PUDP: variants seen among roughly 807,000 people sequenced by gnomAD.
PUDP encodes the protein pseudouridine 5'-phosphatase, also known as pseudouridine-5'-phosphatase.
In PUDP, 8 loss-of-function variants were observed where a neutral mutation model predicts 9.4. The observed-to-expected ratio is 0.85, with a 90% CI of 0.50 to 1.53. The LOEUF (loss-of-function observed/expected upper bound fraction) is 1.53. Ranked by LOEUF, PUDP falls within the 40% of genes most tolerant of loss-of-function variation. The pLI is 0.00. For synonymous variants in PUDP, 99 were observed against 80.7 expected, an observed-to-expected ratio of 1.23 and a Z score of -1.22; for missense variants, 188 against 189.7, an observed-to-expected ratio of 0.99 and a Z score of 0.05.
intron 1 of PUDP, among the ~76,000 whole-genome samples, chrX:7,128,568 C>A (rs749859455): frequency 3.6e-5 from 4 of 111,215 alleles, no homozygotes; most frequent in Admixed American, 9.6e-5. Flanking sequence ...CCCAATGGCA[C>A]GGGCGGCAGT....
intron 3 of PUDP, among the ~76,000 whole-genome samples, chrX:6,752,296 G>C (rs960702215): frequency 9.0e-6 from 1 of 111,293 alleles, no homozygotes; most frequent in Non-Finnish European, 1.9e-5. Flanking sequence ...CACCCCCAAA[G>C]GTTCTGAGTT....
chrX:6,812,644 G>T (rs1926162935), intron 3 of PUDP, among the ~76,000 whole-genome samples: 1 of 111,685 alleles, frequency 9.0e-6, no homozygotes. Context: ...AGTATGATAG[G>T]GTTTCAAGTT....
chrX:7,072,777 G>C (rs1030464379), intron 3 of PUDP, among the ~76,000 whole-genome samples: 2 of 95,465 alleles, frequency 2.1e-5, no homozygotes, highest in African/African-American at 4.1e-5. Flanking sequence ...TCGTGCCACT[G>C]CACTCCAGCC....
intron 3 of PUDP, among the ~76,000 whole-genome samples, chrX:6,734,182 C>A (rs1924847174): frequency 9.0e-6 from 1 of 111,332 alleles, no homozygotes; most frequent in Non-Finnish European, 1.9e-5. Flanking sequence ...AGAATGTTGC[C>A]TTGTTGAGTA....
intron 1 of PUDP, among the ~76,000 whole-genome samples, chrX:7,141,629 G>T (rs1932796098): frequency 8.8e-6 from 1 of 113,208 alleles, no homozygotes; most frequent in Non-Finnish European, 1.9e-5. Context: ...GATCACCGAT[G>T]AAAGTGGCTA....
chrX:6,887,259 A>G (rs981850244), intron 3 of PUDP, among the ~76,000 whole-genome samples: 2 of 107,245 alleles, frequency 1.9e-5, no homozygotes, highest in African/African-American at 6.7e-5. Context: ...TAATTATGAT[A>G]TATTATTTAT....
chrX:6,886,314 G>A (rs998772529), intron 3 of PUDP, among the ~76,000 whole-genome samples: 1 of 112,068 alleles, frequency 8.9e-6, no homozygotes, highest in Non-Finnish European at 1.9e-5. Context: ...AAGTTCTAAA[G>A]GCAATGAGTT....
intron 2 of PUDP, among the ~76,000 whole-genome samples, chrX:7,091,129 T>C (rs1931409457): frequency 9.0e-6 from 1 of 111,532 alleles, no homozygotes; most frequent in Admixed American, 9.5e-5. Flanking sequence ...TCACAGAAGC[T>C]ATACCAGCAT....
chrX:7,121,421 G>A (rs1932340250), intron 1 of PUDP, among the ~76,000 whole-genome samples: 1 of 111,689 alleles, frequency 9.0e-6, no homozygotes, highest in African/African-American at 3.3e-5. Context: ...ATCCTTTCTG[G>A]GGCACTGGTG....
At chrX:7,072,827 A>C (rs764273021) in intron 3 of PUDP, among the ~76,000 whole-genome samples, 1,141 of 109,640 alleles carry the variant, frequency 0.01, 21 homozygotes, top group African/African-American at 0.036. Flanking sequence ...AAAAAAAAAA[A>C]AAAACAAAAC....
intron 3 of PUDP, among the ~76,000 whole-genome samples, chrX:6,749,363 GTA>G (rs1164784744): frequency 3.6e-5 from 4 of 111,332 alleles, no homozygotes; most frequent in Admixed American, 1.9e-4. Context: ...TACAGAGGGA[GTA>G]TATGGTTCGA....
chrX:7,026,798 T>C (rs764319941), intron 1 of PUDP, among the ~76,000 whole-genome samples: 1 of 112,002 alleles, frequency 8.9e-6, no homozygotes, highest in East Asian at 2.8e-4. Flanking sequence ...TCAGTAGTGC[T>C]GATGGTACAC....
At chrX:7,096,116 T>C (rs1315880909) in intron 2 of PUDP, among the ~76,000 whole-genome samples, 1 of 111,703 alleles carries the variant, frequency 9.0e-6, no homozygotes, top group Non-Finnish European at 1.9e-5. Context: ...CCAAGGGATG[T>C]CCAGCATTTC....
rs921268768 is a variant in PUDP, at chrX:6,743,078, A to G, written c.*248-36612T>C. On this transcript the variant is annotated intron_variant and NMD_transcript_variant, in intron 3 of 3. Transcript: ENST00000655425. ...GCTTTCAGTAGGGGAAACTGGATGA[A>G]GAATACACAACGGCTTCCTGTACAT... 2.0e-3 allele frequency among the ~76,000 whole-genome samples: 225 copies of G among 112,242 alleles called. 2 individuals are homozygous for G. The highest frequency in any genetic ancestry group is 7.1e-3 in the African/African-American group (219 of 30,767).
chrX:7,072,743 G>T (rs1930775225), intron 3 of PUDP, among the ~76,000 whole-genome samples: 1 of 102,344 alleles, frequency 9.8e-6, no homozygotes, highest in Admixed American at 1.1e-4. Flanking sequence ...GAACCCAGGA[G>T]ACAGAGGTTG....
chrX:6,840,207 T>C (rs2146717230), intron 3 of PUDP, among the ~76,000 whole-genome samples: 1 of 112,003 alleles, frequency 8.9e-6, no homozygotes, highest in East Asian at 2.8e-4. Context: ...CTGTCTTGCC[T>C]GCTGCCATGT....
At chrX:6,720,258 G>GTGTATATATATATATATA (rs1555907522) in intron 1 of PUDP, among the ~76,000 whole-genome samples, 15 of 48,793 alleles carry the variant, frequency 3.1e-4, no homozygotes, top group East Asian at 1.9e-3. Context: ...GTGTGTGTGT[G>GTGTATATATATATATATA]TATATATATA....
At chrX:6,849,420 A>T (rs1926795863) in intron 3 of PUDP, among the ~76,000 whole-genome samples, 1 of 111,416 alleles carries the variant, frequency 9.0e-6, no homozygotes, top group South Asian at 3.8e-4. Context: ...TGAGAGTAGA[A>T]AGACCTCTAC....
downstream of PUDP, among the ~76,000 whole-genome samples, chrX:7,047,655 T>C (rs4830572): frequency 3.0e-3 from 338 of 112,310 alleles, 4 homozygotes; most frequent in Admixed American, 0.028. Flanking sequence ...TCCCTTGCTC[T>C]TTAACACTTC....
Sources: allele counts gnomAD v4.1 joint callset (sites outside exome capture counted in the v4.1 genomes callset), GRCh38; gene constraint gnomAD v4.1.1; transcripts MANE v1.5; gene names NCBI Gene and HGNC (gene_info 2026-07-23, HGNC 2026-07-21).